BICC1: variants seen among roughly 807,000 people sequenced by gnomAD.
The protein encoded by BICC1 is protein bicaudal C homolog 1.
Under a neutral mutation model 111.0 loss-of-function variants are expected in BICC1, and 43 were observed. The ratio of observed to expected loss-of-function variants is 0.39; its 90% CI spans 0.30 to 0.50. BICC1 has a LOEUF of 0.50. Among genes scored for constraint, BICC1 ranks in the 20% least tolerant of loss-of-function variants. The pLI is 0.88. For missense variants in BICC1, 1,091 were observed against 1,203.2 expected, an observed-to-expected ratio of 0.91 and a Z score of 1.38; for synonymous variants, 467 against 434.4, an observed-to-expected ratio of 1.07 and a Z score of -0.93.
At chr10:58,691,089 A>C (rs544502686) in intron 2 of BICC1, among the ~76,000 whole-genome samples, 1 of 152,198 alleles carries the variant, frequency 6.6e-6, no homozygotes, top group Non-Finnish European at 1.5e-5. Context: ...ACCACAAGCT[A>C]TCCACCCTCT....
chr10:58,769,770 A>G (rs1589121959), intron 3 of BICC1, among the ~76,000 whole-genome samples: 2 of 152,120 alleles, frequency 1.3e-5, no homozygotes, highest in South Asian at 4.1e-4. Context: ...CATATAGTGT[A>G]CTTTACTACC....
intron 1 of BICC1, among the ~76,000 whole-genome samples, chr10:58,611,187 T>G (rs1845406068): frequency 6.6e-6 from 1 of 152,212 alleles, no homozygotes; most frequent in African/African-American, 2.4e-5. Context: ...GGAAGGAAGA[T>G]TTAAAAATAA....
intron 2 of BICC1, among the ~76,000 whole-genome samples, chr10:58,652,818 G>A (rs1406540892): frequency 2.0e-5 from 3 of 152,116 alleles, no homozygotes; most frequent in East Asian, 3.9e-4. Flanking sequence ...TATCTTACAC[G>A]TGTAATAGAG....
At chr10:58,525,951 T>G (rs1167071163) in intron 1 of BICC1, among the ~76,000 whole-genome samples, 4 of 151,856 alleles carry the variant, frequency 2.6e-5, no homozygotes, top group African/African-American at 9.7e-5. Flanking sequence ...AAAAATTTTT[T>G]ATAGTTATGA....
intron 2 of BICC1, among the ~76,000 whole-genome samples, chr10:58,655,445 A>T (rs1467992943): frequency 1.5e-5 from 1 of 67,606 alleles, no homozygotes; most frequent in South Asian, 6.7e-4. Context: ...CTTTGAAGCA[A>T]TTGTGAATGG....
intron 2 of BICC1, among the ~76,000 whole-genome samples, chr10:58,686,860 CCTT>C (rs752831317): frequency 4.6e-5 from 7 of 152,314 alleles, no homozygotes; most frequent in South Asian, 2.1e-4. Flanking sequence ...TCGTCTGAAG[CCTT>C]CTTCTTTCAA....
intron 1 of BICC1, among the ~76,000 whole-genome samples, chr10:58,604,963 A>G (rs537568635): frequency 6.6e-6 from 1 of 152,138 alleles, no homozygotes; most frequent in African/African-American, 2.4e-5. Context: ...GCACCTATCT[A>G]TGTTCTCTCT....
At position 58,830,260 on chromosome 10, in the gene BICC1, T is replaced by G. The variant is rs570342610; in HGVS notation, c.*1369T>G. ...TTCCTGGGTCTTTTCAGAGATCTTATAGATTTATGAAGTGTTTTTAATCCA... is the reference window on the plus strand; with the variant it reads ...TTCCTGGGTCTTTTCAGAGATCTTAGAGATTTATGAAGTGTTTTTAATCCA... On this transcript the variant is annotated 3_prime_UTR_variant, in exon 21 of 21. Transcript: ENST00000373886. 55 of 152,298 alleles carry G rather than the reference T, an allele frequency of 3.6e-4. No homozygotes were observed. The highest frequency in any genetic ancestry group is 1.1e-3 in the African/African-American group (47 of 41,586). The allele number at this position is 152,298 out of a possible 1,614,324, so 9.4% of individuals were successfully genotyped here. A position where few individuals can be genotyped will look rare whatever the true frequency, so the allele number is the denominator to read the frequency against.
chr10:58,589,803 AT>A (rs967239761), intron 1 of BICC1, among the ~76,000 whole-genome samples: 86 of 151,564 alleles, frequency 5.7e-4, no homozygotes, highest in Admixed American at 9.2e-4. Flanking sequence ...TATTATTATT[AT>A]TTTTTTTAGT....
Position 58,829,191 on chromosome 10 carries a change from A to ATTTTTTTTTTTTTTTTTTT in BICC1, c.*313_*331dup, listed in dbSNP as rs71006209. 4.7e-5 allele frequency: 2 copies of ATTTTTTTTTTTTTTTTTTT among 42,388 alleles called. 1 individual carries two copies. Among genetic ancestry groups the ATTTTTTTTTTTTTTTTTTT allele is most frequent in the African/African-American group, 2.5e-4 (2 of 8,130 alleles). 2.6% of individuals were successfully genotyped at this position (42,388 alleles called of 1,614,324 possible). A position where few individuals can be genotyped will look rare whatever the true frequency, so the allele number is the denominator to read the frequency against. On this transcript the variant is annotated 3_prime_UTR_variant, in exon 21 of 21. Coordinates refer to ENST00000373886, the MANE Select transcript of BICC1 (RefSeq NM_001080512.3). ...TACCTATATAACATATGCACTGATG[A>ATTTTTTTTTTTTTTTTTTT]TTTTTTTTTTTTTTTTTTTTTTTTT...
At chr10:58,763,489 GA>G (rs962044015) in intron 3 of BICC1, among the ~76,000 whole-genome samples, 3 of 152,022 alleles carry the variant, frequency 2.0e-5, no homozygotes, top group Non-Finnish European at 4.4e-5. Context: ...ATATTTGAAG[GA>G]AAAAAGAAAG....
chr10:58,593,883 T>C (rs553884165), intron 1 of BICC1, among the ~76,000 whole-genome samples: 57 of 151,970 alleles, frequency 3.8e-4, no homozygotes, highest in Non-Finnish European at 3.5e-4. Flanking sequence ...GTTTGACAAA[T>C]TGACAGACGT....
chr10:58,574,735 AACTT>A (rs1281419930), intron 1 of BICC1, among the ~76,000 whole-genome samples: 2 of 152,166 alleles, frequency 1.3e-5, no homozygotes, highest in Non-Finnish European at 2.9e-5. Flanking sequence ...AATAACATAA[AACTT>A]ACTGCATGTT....
In BICC1 at chr10:58,586,489, T is replaced by C. The variant is rs1022109866; in HGVS notation, c.191-34366T>C. ...GCAGAGTACTTCCTGTAATACCAGC[T>C]ACTCGGGTGGCTGAGGCACGAGAAT... is the stretch of plus-strand genomic sequence containing the variant. On this transcript the variant is annotated intron_variant, in intron 1 of 20. Coordinates refer to ENST00000373886, the MANE Select transcript of BICC1 (RefSeq NM_001080512.3). 2.7e-5 allele frequency among the ~76,000 whole-genome samples: 4 copies of C among 149,840 alleles called. No homozygotes were observed. The East Asian group carries it at 8.1e-4, about 30-fold the overall frequency.
chr10:58,535,872 G>T (rs971157771), intron 1 of BICC1, among the ~76,000 whole-genome samples: 3 of 151,254 alleles, frequency 2.0e-5, no homozygotes, highest in Non-Finnish European at 4.4e-5. Context: ...AAGGGAAAAG[G>T]GTGGAAAAAG....
chr10:58,531,602 G>A (rs1658475), intron 1 of BICC1, among the ~76,000 whole-genome samples: 150,867 of 151,940 alleles, frequency 0.99, 74,905 homozygotes, highest in East Asian at 1. Context: ...ATGGAGATCT[G>A]TGAATTACCT....
At chr10:58,543,862 C>T (rs1362963251) in intron 1 of BICC1, among the ~76,000 whole-genome samples, 1 of 146,834 alleles carries the variant, frequency 6.8e-6, no homozygotes, top group African/African-American at 2.5e-5. Flanking sequence ...AACCACCTGT[C>T]TGCATTCTGA....
At chr10:58,745,604 C>A (rs1277902862) in intron 3 of BICC1, among the ~76,000 whole-genome samples, 2 of 122,772 alleles carry the variant, frequency 1.6e-5, no homozygotes, top group Non-Finnish European at 3.4e-5. Flanking sequence ...CCCCCACCGC[C>A]CCCCCCCCAC....
chr10:58,792,312 T>C (rs1471401141), intron 8 of BICC1, among the ~76,000 whole-genome samples: 2 of 152,080 alleles, frequency 1.3e-5, no homozygotes, highest in African/African-American at 4.8e-5. Flanking sequence ...GTAGTAACAA[T>C]TTACTCCAGG....
Sources: allele counts gnomAD v4.1 joint callset (sites outside exome capture counted in the v4.1 genomes callset), GRCh38; gene constraint gnomAD v4.1.1; transcripts MANE v1.5; gene names NCBI Gene and HGNC (gene_info 2026-07-23, HGNC 2026-07-21).